HBEGF: variants seen among roughly 807,000 people sequenced by gnomAD.
HBEGF encodes heparin binding EGF like growth factor, also known as proheparin-binding EGF-like growth factor.
In HBEGF, 8 loss-of-function variants were observed where a neutral mutation model predicts 19.5. That is an observed-to-expected ratio of 0.41 (90% CI 0.24 to 0.74). The LOEUF is 0.74. Ranked by LOEUF, HBEGF falls within the 30% of genes least tolerant of loss-of-function variation. HBEGF has a pLI of 0.32. For missense variants in HBEGF, 207 were observed against 256.9 expected (o/e 0.81, Z 1.33); for synonymous variants, 97 against 108.9 (o/e 0.89, Z 0.68).
At chr5:140,344,506 CA>C (rs973220836) in intron 2 of HBEGF, among the ~76,000 whole-genome samples, 1 of 152,118 alleles carries the variant, frequency 6.6e-6, no homozygotes, top group Non-Finnish European at 1.5e-5. Context: ...GTGCCTAGAA[CA>C]CAGTAGGAAT....
intron 3 of HBEGF, among the ~76,000 whole-genome samples, chr5:140,339,012 G>C (rs1034792990): frequency 6.6e-6 from 1 of 152,212 alleles, no homozygotes; most frequent in African/African-American, 2.4e-5. Context: ...GTTTCCTCAT[G>C]TAAAACACAG....
chr5:140,338,617 T>C (rs778770661), intron 3 of HBEGF, among the ~76,000 whole-genome samples: 2 of 152,158 alleles, frequency 1.3e-5, no homozygotes, highest in Non-Finnish European at 2.9e-5. Context: ...AGGATAATAA[T>C]GTAAACATCC....
At chr5:140,336,184 A>C (rs78186901) in intron 3 of HBEGF, among the ~76,000 whole-genome samples, 157 bp from the exon 4 acceptor site, 27 of 152,242 alleles carry the variant, frequency 1.8e-4, no homozygotes, top group South Asian at 1.2e-3. Context: ...CTCTAGTAGA[A>C]AACTCTTTAA....
Position 140,333,774 on chromosome 5 carries a change from C to T in HBEGF, c.*525G>A, listed in dbSNP as rs1766187313. On this transcript the variant is annotated 3_prime_UTR_variant, in exon 6 of 6. Transcript: ENST00000230990. ...CCATCTGGGTAGAAGTCCCAAAATT[C>T]AGTTCTCAGGCTTGTGGTATTTCAC... 1 of 152,590 alleles carries T rather than the reference C, an allele frequency of 6.6e-6. No homozygotes were observed. The highest frequency in any genetic ancestry group is 2.4e-5 in the African/African-American group (1 of 41,418). The allele number at this position is 152,590 out of a possible 1,614,324, so 9.5% of individuals were successfully genotyped here.
In HBEGF at chr5:140,346,273, G is replaced by A; in HGVS notation, c.46+10C>T. Reference sequence around the variant, plus strand: ...CCCCCGATCTCCGGGGGCGTCGGCAGCCCTCTTACCTGCAGCCAGAAAGAG... The same window carrying A: ...CCCCCGATCTCCGGGGGCGTCGGCAACCCTCTTACCTGCAGCCAGAAAGAG... On this transcript the variant is annotated intron_variant, in intron 1 of 5. Transcript: ENST00000230990. The surrounding 1 kb of genome is among the most constrained non-coding windows in gnomAD (Gnocchi z 6.1). The A allele has an allele frequency of 3.1e-6, 5 of 1,603,178 alleles. No individual in the cohort carries two copies. In the South Asian group the frequency reaches 5.6e-5, roughly 18 times the overall value.
chr5:140,339,631 C>T lies in HBEGF; in HGVS notation c.398+3004G>A, dbSNP rs191192772. On this transcript the variant is annotated intron_variant, in intron 3 of 5. Transcript: ENST00000230990. ...CTGGTCTCGAACTCCTGACCTCAGG[C>T]GACCCACGTGCCTCGGCCTCCCAAA... Among the ~76,000 whole-genome samples, 677 of 152,120 alleles carry T rather than the reference C, an allele frequency of 4.5e-3. 5 individuals are homozygous for T. Among genetic ancestry groups the T allele is most frequent in the African/African-American group, 0.014 (595 of 41,510 alleles).
chr5:140,341,330 G>A (rs1015330222), intron 3 of HBEGF, among the ~76,000 whole-genome samples: 1 of 152,202 alleles, frequency 6.6e-6, no homozygotes, highest in African/African-American at 2.4e-5. Flanking sequence ...AATCCACCTT[G>A]ACTACTTGAG....
At chr5:140,340,336 T>C (rs1157761221) in intron 3 of HBEGF, among the ~76,000 whole-genome samples, 1 of 150,294 alleles carries the variant, frequency 6.7e-6, no homozygotes, top group African/African-American at 2.5e-5. Flanking sequence ...TCCCAGCACT[T>C]TGGGAGGCTG....
At position 140,346,434 on chromosome 5, in the gene HBEGF, G is replaced by C; in HGVS notation, c.-106C>G. 8.0e-7 allele frequency: 1 copy of C among 1,245,382 alleles called. No individual in the cohort carries two copies. The highest frequency in any genetic ancestry group is 1.3e-5 in the South Asian group (1 of 78,020). 77.1% of individuals were successfully genotyped at this position (1,245,382 alleles called of 1,614,324 possible). A position where few individuals can be genotyped will look rare whatever the true frequency, so the allele number is the denominator to read the frequency against. On this transcript the variant is annotated 5_prime_UTR_variant, in exon 1 of 6. Coordinates refer to ENST00000230990, the MANE Select transcript of HBEGF (RefSeq NM_001945.3). The surrounding 1 kb of genome is among the most constrained non-coding windows in gnomAD (Gnocchi z 6.1). ...GGCGGAGCTCAGGAGATTCCGCCGG[G>C]CACCGTCTGCCGCCCGCCTCTGCGT...
At position 140,346,403 on chromosome 5, in the gene HBEGF, C is replaced by G; in HGVS notation, c.-75G>C. On this transcript the variant is annotated 5_prime_UTR_variant, in exon 1 of 6. Coordinates refer to ENST00000230990, the MANE Select transcript of HBEGF (RefSeq NM_001945.3). The surrounding 1 kb of genome is among the most constrained non-coding windows in gnomAD (Gnocchi z 6.1). ...CGGCCACTGGGCGCTGGCACCAGAG[C>G]TGGGCGGCGGAGCTCAGGAGATTCC... 1 of 1,519,454 alleles carries G rather than the reference C, an allele frequency of 6.6e-7. No individual in the cohort carries two copies. The highest frequency in any genetic ancestry group is 8.9e-7 in the Non-Finnish European group (1 of 1,119,468). 94.1% of individuals were successfully genotyped at this position (1,519,454 alleles called of 1,614,324 possible).
chr5:140,339,914 T>C (rs1403743559), intron 3 of HBEGF, among the ~76,000 whole-genome samples: 1 of 152,160 alleles, frequency 6.6e-6, no homozygotes, highest in Non-Finnish European at 1.5e-5. Flanking sequence ...AACCAGGATT[T>C]CTGTCTTCTT....
intron 3 of HBEGF, among the ~76,000 whole-genome samples, chr5:140,340,518 G>A (rs1167975563): frequency 2.7e-5 from 4 of 145,640 alleles, no homozygotes; most frequent in Non-Finnish European, 4.5e-5. Flanking sequence ...AGGAGGCAGA[G>A]GTTGCAGTGA....
intron 3 of HBEGF, 85 bp from the exon 4 acceptor site, chr5:140,336,112 T>C: frequency 7.3e-7 from 1 of 1,369,044 alleles, no homozygotes; most frequent in East Asian, 2.3e-5. Context: ...CCAAACCCCA[T>C]TCCTCATACC....
rs1240231718 is a variant in HBEGF, at chr5:140,342,930, G to A, written c.221-118C>T. On this transcript the variant is annotated intron_variant, in intron 2 of 5. Coordinates refer to ENST00000230990, the MANE Select transcript of HBEGF (RefSeq NM_001945.3). The stretch of plus-strand genomic sequence containing the variant: ...CACCTGAAGTCAGAGATCTGGGAAG[G>A]CCCCTTAGCTCAGTGCCTCCTAAGA... 3 of 1,045,582 alleles carry A rather than the reference G, an allele frequency of 2.9e-6. No individual in the cohort carries two copies. In the African/African-American group the frequency reaches 4.8e-5, roughly 17 times the overall value. The allele number at this position is 1,045,582 out of a possible 1,614,324, so 64.8% of individuals were successfully genotyped here. A position where few individuals can be genotyped will look rare whatever the true frequency, so the allele number is the denominator to read the frequency against.
intron 3 of HBEGF, among the ~76,000 whole-genome samples, chr5:140,341,113 T>C (rs1766305338): frequency 6.6e-6 from 1 of 152,218 alleles, no homozygotes; most frequent in Non-Finnish European, 1.5e-5. Context: ...AAAGGAGATA[T>C]GACATCATTA....
intron 3 of HBEGF, among the ~76,000 whole-genome samples, chr5:140,340,803 A>T (rs541955664): frequency 6.6e-6 from 1 of 152,240 alleles, no homozygotes; most frequent in African/African-American, 2.4e-5. Flanking sequence ...GAAAGCCAAC[A>T]CCCAGTACAG....
In HBEGF at chr5:140,340,033, T is replaced by C. The variant is rs1028397048; in HGVS notation, c.398+2602A>G. Among the ~76,000 whole-genome samples the C allele has an allele frequency of 5.9e-5, 9 of 152,314 alleles. No individual in the cohort carries two copies. The South Asian group carries it at 1.0e-3, about 18-fold the overall frequency. ...AGGAAGTGGTGGCCCACGCCTGTAA[T>C]CCCAGCACTTTGGGAGTCCAAGGCA... is the stretch of plus-strand genomic sequence containing the variant. On this transcript the variant is annotated intron_variant, in intron 3 of 5. Transcript: ENST00000230990.
intron 3 of HBEGF, 49 bp from the exon 4 acceptor site, chr5:140,336,076 T>C (rs1185475949): frequency 1.3e-6 from 2 of 1,587,968 alleles, no homozygotes; most frequent in Non-Finnish European, 1.7e-6. Context: ...CTTTGGCCTC[T>C]CTTGGCAATG....
intron 3 of HBEGF, among the ~76,000 whole-genome samples, chr5:140,339,244 G>C (rs919995944): frequency 1.3e-5 from 2 of 152,158 alleles, no homozygotes; most frequent in African/African-American, 4.8e-5. Flanking sequence ...GTGAGGCCAA[G>C]TAGAGCCCCC....
Sources: allele counts gnomAD v4.1 joint callset (sites outside exome capture counted in the v4.1 genomes callset), GRCh38; gene constraint gnomAD v4.1.1; non-coding constraint Gnocchi (gnomAD v3.1); transcripts MANE v1.5; gene names NCBI Gene and HGNC (gene_info 2026-07-23, HGNC 2026-07-21).